The following DKK2 variants were observed in gnomAD, a reference collection of about 807,000 sequenced individuals.
DKK2 encodes dickkopf-related protein 2.
In DKK2, 11 loss-of-function variants were observed where a neutral mutation model predicts 28.1. That is an observed-to-expected ratio of 0.39 (90% CI 0.25 to 0.65). The LOEUF is 0.65. Ranked by LOEUF, DKK2 falls within the 30% of genes least tolerant of loss-of-function variation. DKK2 has a pLI of 0.47. For synonymous variants in DKK2, 135 were observed against 126.5 expected (o/e 1.07, Z -0.45); for missense variants, 326 against 335.5 (o/e 0.97, Z 0.22).
chr4:106,965,269 A>C lies in DKK2; in HGVS notation c.223-39320T>G, dbSNP rs992228161. Among the ~76,000 whole-genome samples, 15 of 152,250 alleles carry C rather than the reference A, an allele frequency of 9.9e-5. No individual in the cohort carries two copies. The East Asian group carries it at 2.9e-3, about 29-fold the overall frequency. Reference sequence around the variant, plus strand: ...TCTTTGCCCTATTTTGTTAATATCCAGATAATTAATATTTTATATTTTGAG... The same window carrying C: ...TCTTTGCCCTATTTTGTTAATATCCCGATAATTAATATTTTATATTTTGAG... On this transcript the variant is annotated intron_variant, in intron 1 of 3. Coordinates refer to ENST00000285311, the MANE Select transcript of DKK2 (RefSeq NM_014421.3).
chr4:107,027,552 T>TGTCA (rs1723804277), intron 1 of DKK2, among the ~76,000 whole-genome samples: 1 of 152,024 alleles, frequency 6.6e-6, no homozygotes, highest in Admixed American at 6.6e-5. Flanking sequence ...CAACAAAGGT[T>TGTCA]GTCAGCCTTC....
intron 1 of DKK2, among the ~76,000 whole-genome samples, chr4:106,954,575 G>T (rs796382996): frequency 3.3e-5 from 5 of 152,268 alleles, no homozygotes; most frequent in African/African-American, 1.2e-4. Flanking sequence ...AGGCTGGAGT[G>T]CAATGGCATG....
At chr4:106,935,316 T>G (rs972907292) in intron 1 of DKK2, among the ~76,000 whole-genome samples, 1 of 152,046 alleles carries the variant, frequency 6.6e-6, no homozygotes, top group Non-Finnish European at 1.5e-5. Flanking sequence ...GCGCAAGGGG[T>G]CAGGGAGTTC....
intron 1 of DKK2, among the ~76,000 whole-genome samples, chr4:106,940,521 C>T (rs1171344217): frequency 6.6e-6 from 1 of 150,560 alleles, no homozygotes; most frequent in Admixed American, 6.6e-5. Context: ...GGACCGTAAA[C>T]TAGTTCAACC....
At chr4:106,954,365 ATATAC>A (rs1328486228) in intron 1 of DKK2, among the ~76,000 whole-genome samples, 1 of 152,018 alleles carries the variant, frequency 6.6e-6, no homozygotes, top group Non-Finnish European at 1.5e-5. Flanking sequence ...TTTTTTTCAT[ATATAC>A]TATCAAAAAT....
chr4:106,956,866 C>G (rs1722601712), intron 1 of DKK2, among the ~76,000 whole-genome samples: 1 of 150,478 alleles, frequency 6.6e-6, no homozygotes, highest in African/African-American at 2.5e-5. Context: ...TCTAAAACAC[C>G]AAAAGCAATG....
At chr4:106,933,746 G>C (rs528393300) in intron 1 of DKK2, among the ~76,000 whole-genome samples, 64 of 152,162 alleles carry the variant, frequency 4.2e-4, no homozygotes, top group African/African-American at 1.5e-3. Flanking sequence ...CAATGAAAAT[G>C]ACATTTAAAA....
Position 106,925,862 on chromosome 4 carries a change from G to T in DKK2, c.310C>A (p.Arg104=). ...CGGTGGCAGCGCTTCTTTTTTCTCC[G>T]ACACACCATGCAGGCCGATGATCCT... The part of the protein sequence containing the change: ...HQGSSACMVC[R]RKKKRCHRDG... The change falls in exon 2 of 4, where the codon CGG becomes AGG. Residue 104 remains arginine, a synonymous_variant. Transcript: ENST00000285311. The T allele has an allele frequency of 1.2e-6, 2 of 1,613,350 alleles. No homozygotes were observed. The highest frequency in any genetic ancestry group is 1.7e-6 in the Non-Finnish European group (2 of 1,179,772).
intron 1 of DKK2, among the ~76,000 whole-genome samples, chr4:107,030,621 C>A (rs921460809): frequency 2.0e-5 from 3 of 151,794 alleles, no homozygotes; most frequent in Non-Finnish European, 4.4e-5. Context: ...TCCAACAGGC[C>A]GTCAGAAAGT....
At chr4:106,984,353 T>C (rs1025218194) in intron 1 of DKK2, among the ~76,000 whole-genome samples, 12 of 152,292 alleles carry the variant, frequency 7.9e-5, no homozygotes, top group Non-Finnish European at 1.6e-4. Context: ...AACTTCCCGT[T>C]TCCTCTCCCT....
At chr4:107,022,490 C>T (rs551291676) in intron 1 of DKK2, among the ~76,000 whole-genome samples, 1 of 152,220 alleles carries the variant, frequency 6.6e-6, no homozygotes, top group East Asian at 1.9e-4. Context: ...AGTAAGACTG[C>T]TTGGCCTTAA....
chr4:107,003,752 C>T (rs1219197255), intron 1 of DKK2, among the ~76,000 whole-genome samples: 4 of 152,156 alleles, frequency 2.6e-5, no homozygotes, highest in African/African-American at 4.8e-5. Flanking sequence ...GTCTCAGGAC[C>T]GGGTCCAGCG....
chr4:106,945,013 C>T (rs1289819062), intron 1 of DKK2, among the ~76,000 whole-genome samples: 1 of 152,060 alleles, frequency 6.6e-6, no homozygotes, highest in Non-Finnish European at 1.5e-5. Context: ...TAGCACTAGC[C>T]AGGCTCCTGT....
chr4:106,967,290 A>G (rs1410994197), intron 1 of DKK2, among the ~76,000 whole-genome samples: 1 of 152,154 alleles, frequency 6.6e-6, no homozygotes, highest in East Asian at 1.9e-4. Context: ...AATGTGACAC[A>G]CTGCATAGTG....
intron 1 of DKK2, among the ~76,000 whole-genome samples, chr4:107,011,473 T>C (rs1723515870): frequency 6.6e-6 from 1 of 151,678 alleles, no homozygotes; most frequent in African/African-American, 2.4e-5. Flanking sequence ...TCAGTCATTC[T>C]TTTTAGGTGA....
intron 1 of DKK2, among the ~76,000 whole-genome samples, chr4:107,023,918 A>G (rs1723732297): frequency 6.6e-6 from 1 of 152,164 alleles, no homozygotes; most frequent in African/African-American, 2.4e-5. Context: ...AGATTCCTGC[A>G]CATATAATAT....
chr4:107,024,861 G>A (rs13135443), intron 1 of DKK2, among the ~76,000 whole-genome samples: 36,081 of 152,080 alleles, frequency 0.24, 4,668 homozygotes, highest in East Asian at 0.53. Context: ...AGGCTCACCC[G>A]CTGTCCCATG....
chr4:106,949,041 T>C (rs1014675756), intron 1 of DKK2, among the ~76,000 whole-genome samples: 3 of 152,166 alleles, frequency 2.0e-5, no homozygotes, highest in African/African-American at 7.2e-5. Context: ...CTTTGCCCTT[T>C]CCCTTTGTGT....
intron 1 of DKK2, among the ~76,000 whole-genome samples, chr4:106,958,781 G>A (rs1234030814): frequency 6.8e-6 from 1 of 147,732 alleles, no homozygotes; most frequent in Non-Finnish European, 1.5e-5. Context: ...AGGTTGCAGT[G>A]AGCCAAGATC....
Sources: gnomAD v4.1 joint callset for allele counts (sites outside exome capture counted in the v4.1 genomes callset) on GRCh38, gnomAD v4.1.1 for gene constraint, MANE v1.5 for transcripts, NCBI Gene and HGNC (gene_info 2026-07-23, HGNC 2026-07-21) for gene names.